The following MX1 variants were observed in gnomAD, a reference collection of about 807,000 sequenced individuals.
The protein encoded by MX1 is interferon-induced GTP-binding protein Mx1.
MX1 carries 66 observed loss-of-function variants against 66.4 expected under a neutral mutation model. The observed-to-expected ratio is 0.99, with a 90% CI of 0.82 to 1.22. The LOEUF is 1.22. MX1 is among the 50% of genes most tolerant of loss of function. The pLI is 0.00. For synonymous variants in MX1, 311 were observed against 318.1 expected (o/e 0.98, Z 0.24); for missense variants, 787 against 834.3 (o/e 0.94, Z 0.70).
upstream of MX1, among the ~76,000 whole-genome samples, chr21:41,425,277 G>A (rs1421032358): frequency 6.6e-6 from 1 of 152,190 alleles, no homozygotes. Flanking sequence ...TAGGATTTGG[G>A]AAGGTAATGG....
At chr21:41,439,908 T>TGGGGG in intron 8 of MX1, 60 bp downstream of exon 8, 1 of 885,990 alleles carries the variant, frequency 1.1e-6, no homozygotes, top group Non-Finnish European at 1.7e-6. Flanking sequence ...AGTGGAGGGG[T>TGGGGG]GGGAGGAGAA....
chr21:41,458,763 ACT>A lies in MX1; in HGVS notation c.*8_*9del, dbSNP rs754265226. The A allele has an allele frequency of 2.2e-4, 347 of 1,609,048 alleles. No individual in the cohort carries two copies. The highest frequency in any genetic ancestry group is 2.8e-4 in the Non-Finnish European group (335 of 1,179,248). ...CTTGCCCAGTTCCCCGGTTAACCAC[ACT>A]CTGTCCAGCCCCGTAGACGTGCACG... On this transcript the variant is annotated 3_prime_UTR_variant, in exon 17 of 17. Coordinates refer to ENST00000398598, the MANE Select transcript of MX1 (RefSeq NM_002462.5).
intron 11 of MX1, among the ~76,000 whole-genome samples, chr21:41,444,408 C>T (rs1302599210): frequency 7.2e-6 from 1 of 139,652 alleles, no homozygotes; most frequent in East Asian, 2.1e-4. Flanking sequence ...CTCACTGCAA[C>T]CTCTGCCTCC....
chr21:41,448,392 A>G (rs1444084059), intron 13 of MX1, among the ~76,000 whole-genome samples: 1 of 152,238 alleles, frequency 6.6e-6, no homozygotes, highest in East Asian at 1.9e-4. Flanking sequence ...TTAATTCCAG[A>G]AAGTGTTCAT....
At chr21:41,454,654 G>A (rs1398501166) in intron 16 of MX1, among the ~76,000 whole-genome samples, 1 of 152,224 alleles carries the variant, frequency 6.6e-6, no homozygotes, top group African/African-American at 2.4e-5. Context: ...TTAACCTGAA[G>A]TACAATCTAA....
chr21:41,427,644 C>A (rs1250895483), intron 2 of MX1, 111 bp from the exon 3 acceptor site: 3 of 152,198 alleles, frequency 2.0e-5, no homozygotes, highest in Non-Finnish European at 2.9e-5. Context: ...AGGAAGGGGG[C>A]TGAATCCTAC....
At chr21:41,440,788 G>A in intron 8 of MX1, 99 bp from the exon 9 acceptor site, 1 of 1,389,264 alleles carries the variant, frequency 7.2e-7, no homozygotes, top group South Asian at 1.2e-5. Flanking sequence ...AATACCCCTG[G>A]GACTCTTAGG....
intron 15 of MX1, 86 bp from the exon 16 acceptor site, chr21:41,452,535 G>C: frequency 3.5e-6 from 5 of 1,431,478 alleles, no homozygotes; most frequent in Non-Finnish European, 4.7e-6. Context: ...TGGGTAACCT[G>C]GTATTTACGG....
chr21:41,443,919 G>A (rs1201929969), intron 11 of MX1, 53 bp downstream of exon 11: 3 of 1,506,972 alleles, frequency 2.0e-6, no homozygotes, highest in Non-Finnish European at 2.8e-6. Flanking sequence ...CGACCGCAGA[G>A]CTGAACCTTG....
intron 4 of MX1, 91 bp from the exon 5 acceptor site, chr21:41,431,959 C>T: frequency 1.0e-6 from 1 of 994,288 alleles, no homozygotes. Flanking sequence ...TCCCCACCTC[C>T]AGGGGCCTTC....
intron 5 of MX1, among the ~76,000 whole-genome samples, chr21:41,434,118 G>A (rs559113154): frequency 6.6e-6 from 1 of 152,328 alleles, no homozygotes; most frequent in South Asian, 2.1e-4. Context: ...CTGTTATAAA[G>A]AAGCTATTCT....
intron 5 of MX1, among the ~76,000 whole-genome samples, chr21:41,432,604 A>C (rs915411350): frequency 6.6e-6 from 1 of 152,218 alleles, no homozygotes; most frequent in African/African-American, 2.4e-5. Context: ...TTTGGTGGGA[A>C]CCAATCATGG....
At chr21:41,448,566 G>A (rs2090729425) in intron 13 of MX1, among the ~76,000 whole-genome samples, 1 of 152,184 alleles carries the variant, frequency 6.6e-6, no homozygotes, top group Admixed American at 6.5e-5. Flanking sequence ...AGCACTTTGG[G>A]AGGCCGAGGC....
chr21:41,446,224 C>T (rs1049629523), intron 13 of MX1, 83 bp downstream of exon 13: 1 of 1,253,236 alleles, frequency 8.0e-7, no homozygotes, highest in Admixed American at 2.0e-5. Context: ...AAACTTATTG[C>T]TCATTGTTCT....
At chr21:41,434,982 G>C (rs1164273035) in intron 5 of MX1, among the ~76,000 whole-genome samples, 1 of 152,142 alleles carries the variant, frequency 6.6e-6, no homozygotes, top group Non-Finnish European at 1.5e-5. Context: ...TTAAGCTTTT[G>C]AATGGCTAAA....
rs190395493 is a variant in MX1 at position 41,443,016 on chromosome 21, C to T, written c.930-772C>T. ...TTTCAGTTTGGGAATATGAAAAGTTCTGAAGACAGACAGTGGTGATGGTTG... is the reference window on the plus strand; with the variant it reads ...TTTCAGTTTGGGAATATGAAAAGTTTTGAAGACAGACAGTGGTGATGGTTG... On this transcript the variant is annotated intron_variant, in intron 10 of 16. Coordinates refer to ENST00000398598, the MANE Select transcript of MX1 (RefSeq NM_002462.5). 1.6e-4 allele frequency among the ~76,000 whole-genome samples: 24 copies of T among 152,274 alleles called. 1 individual carries two copies. In the East Asian group the frequency reaches 4.4e-3, roughly 28 times the overall value.
At chr21:41,436,474 A>C (rs2090366415) in intron 6 of MX1, among the ~76,000 whole-genome samples, 1 of 152,226 alleles carries the variant, frequency 6.6e-6, no homozygotes, top group Non-Finnish European at 1.5e-5. Flanking sequence ...TTTGAGGAGA[A>C]TCTGAATAAA....
At chr21:41,434,778 GTTA>G (rs1285484936) in intron 5 of MX1, among the ~76,000 whole-genome samples, 4 of 152,092 alleles carry the variant, frequency 2.6e-5, no homozygotes, top group Non-Finnish European at 5.9e-5. Context: ...ACAATACATT[GTTA>G]TTATTGATGT....
At chr21:41,432,320 C>A in intron 5 of MX1, 145 bp downstream of exon 5, 1 of 724,866 alleles carries the variant, frequency 1.4e-6, no homozygotes, top group Non-Finnish European at 2.3e-6. Flanking sequence ...TGACCCTCTA[C>A]TTGCCAGCTG....
Sources: gnomAD v4.1 joint callset for allele counts (sites outside exome capture counted in the v4.1 genomes callset) on GRCh38, gnomAD v4.1.1 for gene constraint, MANE v1.5 for transcripts, NCBI Gene and HGNC (gene_info 2026-07-23, HGNC 2026-07-21) for gene names.